The following CHDH variants were observed in gnomAD, a reference collection of about 807,000 sequenced individuals.
CHDH encodes choline dehydrogenase, mitochondrial.
A neutral mutation model predicts 56.9 loss-of-function variants in CHDH; 43 were observed. That is an observed-to-expected ratio of 0.76 (90% CI 0.59 to 0.97). The LOEUF (loss-of-function observed/expected upper bound fraction) is 0.97, where lower values mean the gene tolerates loss of function less well. Ranked by LOEUF, CHDH falls within the 50% of genes least tolerant of loss-of-function variation. The probability of loss-of-function intolerance (pLI) is 0.00; values close to 1 mark genes in which losing one functional copy is unlikely to be tolerated. For synonymous variants in CHDH, 364 were observed against 348.5 expected (o/e 1.04, Z -0.50); for missense variants, 816 against 821.1 (o/e 0.99, Z 0.08).
At chr3:53,841,399 G>A (rs899244019) in intron 1 of CHDH, among the ~76,000 whole-genome samples, 11 of 152,104 alleles carry the variant, frequency 7.2e-5, no homozygotes, top group African/African-American at 2.7e-4. Flanking sequence ...GATTTTCTGC[G>A]CTCATTGGCA....
At chr3:53,820,115 CAA>C (rs1234289576) in intron 6 of CHDH, among the ~76,000 whole-genome samples, 5 of 152,212 alleles carry the variant, frequency 3.3e-5, no homozygotes, top group Admixed American at 2.6e-4. Context: ...AGTCTAGCCC[CAA>C]AGTCTCCTCT....
intron 3 of CHDH, among the ~76,000 whole-genome samples, 162 bp downstream of exon 3, chr3:53,823,144 T>C (rs1436888672): frequency 6.6e-6 from 1 of 152,032 alleles, no homozygotes; most frequent in Non-Finnish European, 1.5e-5. Flanking sequence ...GTTGTACTCT[T>C]GGAGGGGTAT....
At chr3:53,824,942 C>T (rs2095636260) in intron 2 of CHDH, among the ~76,000 whole-genome samples, 1 of 152,224 alleles carries the variant, frequency 6.6e-6, no homozygotes, top group Non-Finnish European at 1.5e-5. Flanking sequence ...AAGCCCTGCA[C>T]CAAGTAACAG....
chr3:53,818,189 T>C lies in CHDH; in HGVS notation c.1373A>G (p.Asp458Gly), dbSNP rs201539712. 6.8e-5 allele frequency: 109 copies of C among 1,599,774 alleles called. No individual in the cohort carries two copies. Among genetic ancestry groups the C allele is most frequent in the Non-Finnish European group, 8.5e-6 (10 of 1,173,914 alleles). ...IQPNYLSTETDIEDFRLCVKL... is the reference protein window; with the variant it reads ...IQPNYLSTETGIEDFRLCVKL... ...CACACACAGACGGAAATCCTCAATA[T>C]CAGTTTCTGTCGAGGAGAAGAAACA... The change falls in exon 9 of 9, where the codon GAT becomes GGT. Residue 458 changes from aspartate to glycine, a missense_variant. Physicochemically the swap from Asp to Gly is moderately conservative, Grantham distance 94 (BLOSUM62 -1). Transcript: ENST00000315251.
chr3:53,839,023 C>G (rs1236342591), intron 2 of CHDH, among the ~76,000 whole-genome samples: 1 of 152,148 alleles, frequency 6.6e-6, no homozygotes, highest in Non-Finnish European at 1.5e-5. Flanking sequence ...ACCCCAGAAC[C>G]AACTCTCCAC....
At chr3:53,837,421 A>G (rs1454990375) in intron 2 of CHDH, among the ~76,000 whole-genome samples, 1 of 152,142 alleles carries the variant, frequency 6.6e-6, no homozygotes, top group African/African-American at 2.4e-5. Context: ...GGCAGATGGG[A>G]CTGGGCTGAG....
At chr3:53,833,371 T>G (rs978745178) in intron 2 of CHDH, among the ~76,000 whole-genome samples, 3 of 152,190 alleles carry the variant, frequency 2.0e-5, no homozygotes, top group Non-Finnish European at 4.4e-5. Context: ...AGGGGCCTGC[T>G]ACCCAAAGGG....
At chr3:53,824,204 A>G (rs981369071) in intron 2 of CHDH, 137 bp from the exon 3 acceptor site, 8 of 537,958 alleles carry the variant, frequency 1.5e-5, no homozygotes, top group Non-Finnish European at 2.5e-5. Context: ...GAAGTGAGGG[A>G]CACACAGGAA....
intron 2 of CHDH, among the ~76,000 whole-genome samples, chr3:53,826,696 A>G (rs9877386): frequency 0.084 from 12,719 of 152,248 alleles, 1,813 homozygotes; most frequent in African/African-American, 0.29. Flanking sequence ...CCAGGAACGA[A>G]GCAAGGATGT....
Position 53,823,358 on chromosome 3 carries a change from C to A in CHDH, c.651G>T (p.Met217Ile). 6.2e-7 allele frequency: 1 copy of A among 1,602,540 alleles called. No homozygotes were observed. The highest frequency in any genetic ancestry group is 1.1e-5 in the South Asian group (1 of 89,458). ...QQAGYPLTED[M>I]NGFQQEGFGW... The stretch of plus-strand genomic sequence containing the variant: ...CGAAGCCCTCCTGCTGGAAGCCATT[C>A]ATGTCCTCGGTGAGCGGGTAGCCGG... Residue 217 changes from methionine to isoleucine, a missense_variant, in exon 3 of 9, where the codon ATG (methionine) becomes ATT (isoleucine). Coordinates refer to ENST00000315251, the MANE Select transcript of CHDH (RefSeq NM_018397.5).
rs948374717 is a variant in CHDH at position 53,819,621 on chromosome 3, C to G, written c.1174G>C (p.Gly392Arg). ...AACTGGATGTCCGGGTGGGGGACCC[C>G]AGGCTGGCTGCGGATGAACCCACCT... ...ETGGFIRSQP[G>R]VPHPDIQFHF... Residue 392 changes from glycine to arginine, a missense_variant, in exon 7 of 9, where the codon GGG becomes CGG. Physicochemically the swap from Gly to Arg is moderately radical, Grantham distance 125. Coordinates refer to ENST00000315251, the MANE Select transcript of CHDH (RefSeq NM_018397.5). The surrounding 1 kb of genome is among the most constrained non-coding windows in gnomAD (Gnocchi z 5.4). The G allele has an allele frequency of 2.5e-6, 4 of 1,612,542 alleles. No homozygotes were observed. The highest frequency in any genetic ancestry group is 3.4e-6 in the Non-Finnish European group (4 of 1,179,146).
intron 2 of CHDH, among the ~76,000 whole-genome samples, chr3:53,840,007 A>G (rs1376058531): frequency 6.6e-6 from 1 of 152,188 alleles, no homozygotes; most frequent in Non-Finnish European, 1.5e-5. Context: ...CGGAGGCTAA[A>G]AAAGTGGATC....
At chr3:53,840,759 G>C (rs1698647994) in intron 2 of CHDH, among the ~76,000 whole-genome samples, 170 bp downstream of exon 2, 1 of 152,198 alleles carries the variant, frequency 6.6e-6, no homozygotes, top group Admixed American at 6.5e-5. Flanking sequence ...GAGGAGTGAA[G>C]GAAAGCAGAA....
chr3:53,822,859 A>AC (rs1411249348), intron 3 of CHDH, among the ~76,000 whole-genome samples: 1 of 152,042 alleles, frequency 6.6e-6, no homozygotes, highest in African/African-American at 2.4e-5. Context: ...AGTACCCTTC[A>AC]CCCTCAAACA....
intron 2 of CHDH, among the ~76,000 whole-genome samples, chr3:53,825,694 C>T (rs1028221739): frequency 1.3e-5 from 2 of 152,000 alleles, no homozygotes; most frequent in African/African-American, 2.4e-5. Context: ...CTTTCCCAAA[C>T]GTAGTGCAAG....
intron 1 of CHDH, among the ~76,000 whole-genome samples, chr3:53,845,357 T>C (rs535450797): frequency 1.2e-4 from 19 of 152,304 alleles, no homozygotes; most frequent in Middle Eastern, 3.4e-3. Flanking sequence ...GTACAGCCTC[T>C]CACCAGCTGA....
At chr3:53,836,227 T>A (rs1270324334) in intron 2 of CHDH, among the ~76,000 whole-genome samples, 3 of 152,064 alleles carry the variant, frequency 2.0e-5, no homozygotes, top group African/African-American at 7.2e-5. Flanking sequence ...CTGCTCCTCC[T>A]CTCTCAGGAA....
rs567766879 is a variant in CHDH at position 53,820,516 on chromosome 3, G to T, written c.1078C>A (p.Arg360=). ...ITLHSAQKPL[R]KVCIGLEWLW... Reference sequence around the variant, plus strand: ...CACTCCAGACCAATGCAGACCTTCCGCAGGGGCTTCTGTGCTGAATGGAGG... The same window carrying T: ...CACTCCAGACCAATGCAGACCTTCCTCAGGGGCTTCTGTGCTGAATGGAGG... Residue 360 remains arginine, a synonymous_variant, in exon 6 of 9, where the codon CGG becomes AGG. Transcript: ENST00000315251. The T allele has an allele frequency of 6.2e-6, 10 of 1,613,866 alleles. No individual in the cohort carries two copies. The highest frequency in any genetic ancestry group is 1.7e-5 in the Admixed American group (1 of 59,986).
Position 53,823,853 on chromosome 3 carries a change from G to A in CHDH, c.156C>T (p.Gly52=), listed in dbSNP as rs1485157655. The change falls in exon 3 of 9, where the codon GGC becomes GGT. Residue 52 remains glycine, a synonymous_variant. Transcript: ENST00000315251. ...SYVVVGAGSA[G]CVLAGRLTED... is the part of the protein sequence containing the mutation. ...CCGTGAGCCTCCCAGCCAGCACGCA[G>A]CCCGCCGAGCCCGCGCCCACCACCA... The A allele has an allele frequency of 1.9e-6, 3 of 1,584,196 alleles. No individual in the cohort carries two copies. The highest frequency in any genetic ancestry group is 2.6e-6 in the Non-Finnish European group (3 of 1,173,766).
Sources: allele counts gnomAD v4.1 joint callset (sites outside exome capture counted in the v4.1 genomes callset), GRCh38; gene constraint gnomAD v4.1.1; non-coding constraint Gnocchi (gnomAD v3.1); transcripts MANE v1.5; gene names NCBI Gene and HGNC (gene_info 2026-07-23, HGNC 2026-07-21).